The following CELF2 variants were observed in gnomAD, a reference collection of about 807,000 sequenced individuals.
The protein encoded by CELF2 is CUG triplet repeat RNA-binding protein 2.
CELF2 carries 8 observed loss-of-function variants against 62.6 expected under a neutral mutation model. That is an observed-to-expected ratio of 0.13 (90% CI 0.07 to 0.23). CELF2 has a LOEUF of 0.23. Ranked by LOEUF, CELF2 falls within the 10% of genes least tolerant of loss-of-function variation. The pLI is 1.00. For synonymous variants in CELF2, 258 were observed against 250.0 expected (o/e 1.03, Z -0.30); for missense variants, 333 against 671.0 (o/e 0.50, Z 5.56).
chr10:11,107,270 C>A (rs1297861729), intron 1 of CELF2, among the ~76,000 whole-genome samples: 1 of 152,098 alleles, frequency 6.6e-6, no homozygotes, highest in Non-Finnish European at 1.5e-5. Flanking sequence ...GCAGCACCTG[C>A]CTCTCCTAGG....
At chr10:11,043,799 C>T (rs973678616) in intron 1 of CELF2, among the ~76,000 whole-genome samples, 1 of 152,214 alleles carries the variant, frequency 6.6e-6, no homozygotes, top group South Asian at 2.1e-4. Flanking sequence ...ACCCGACCAT[C>T]ATCTCTCACC....
At chr10:10,847,178 G>A (rs941893776) in intron 1 of CELF2, among the ~76,000 whole-genome samples, 1 of 151,576 alleles carries the variant, frequency 6.6e-6, no homozygotes, top group Non-Finnish European at 1.5e-5. Flanking sequence ...AATAAGTAAT[G>A]TATAATGTAT....
At chr10:10,800,123 A>G (rs575141144) in intron 1 of CELF2, among the ~76,000 whole-genome samples, 1 of 152,248 alleles carries the variant, frequency 6.6e-6, no homozygotes, top group Non-Finnish European at 1.5e-5. Context: ...GAACAAGATT[A>G]TAGAAAAGAG....
chr10:11,179,154 A>T (rs2072354696), intron 2 of CELF2, among the ~76,000 whole-genome samples: 1 of 152,172 alleles, frequency 6.6e-6, no homozygotes, highest in Non-Finnish European at 1.5e-5. Context: ...TACCTAAGCC[A>T]TGTGTGTTCC....
At chr10:11,299,308 C>G (rs2093487504) in intron 9 of CELF2, among the ~76,000 whole-genome samples, 1 of 152,250 alleles carries the variant, frequency 6.6e-6, no homozygotes, top group Non-Finnish European at 1.5e-5. Flanking sequence ...ACTGAGTCCA[C>G]GCGGCGCCCC....
chr10:10,660,962 A>G, the CELF2 span, among the ~76,000 whole-genome samples: 1 of 152,246 alleles, frequency 6.6e-6, no homozygotes, highest in African/African-American at 2.4e-5. Flanking sequence ...TAACTTAGTC[A>G]TAGTCCCTGT....
chr10:10,920,442 C>T (rs1482508138), intron 2 of CELF2, among the ~76,000 whole-genome samples: 2 of 152,146 alleles, frequency 1.3e-5, no homozygotes, highest in South Asian at 2.1e-4. Context: ...GAAGAGCTCA[C>T]ATCATAGTAT....
chr10:11,056,011 G>T (rs1254564736), intron 1 of CELF2, among the ~76,000 whole-genome samples: 1 of 152,200 alleles, frequency 6.6e-6, no homozygotes, highest in South Asian at 2.1e-4. Flanking sequence ...TCCAAGAAGT[G>T]CATTTAGAAA....
the CELF2 span, among the ~76,000 whole-genome samples, chr10:10,494,656 T>C: frequency 2.0e-5 from 3 of 152,222 alleles, no homozygotes; most frequent in African/African-American, 7.2e-5. Context: ...TCAGTGAAGC[T>C]CTTCTCTTAA....
the CELF2 span, among the ~76,000 whole-genome samples, chr10:10,529,992 A>G: frequency 3.3e-5 from 5 of 152,150 alleles, no homozygotes; most frequent in African/African-American, 1.2e-4. Context: ...TGATGCCCAG[A>G]TGGGAGATGA....
At position 11,270,800 on chromosome 10, in the gene CELF2, C is replaced by T. The variant is rs766962716; in HGVS notation, c.753C>T (p.Gly251=). Residue 251 remains glycine (G), a synonymous_variant, in exon 7 of 13, where the codon GGC becomes GGT. Transcript: ENST00000633077. This position sits in a 1 kb window ranked among gnomAD's most constrained non-coding sequence, Gnocchi z 5.8. The part of the protein sequence containing the change: ...TATWGNLTGL[G]GLTPQYLALL... ...CCTGGGGGAACCTGACAGGGCTGGG[C>T]GGACTGACCCCACAGTATCTGGCGG... 5.4e-6 allele frequency: 8 copies of T among 1,487,820 alleles called. No individual in the cohort carries two copies. Among genetic ancestry groups the T allele is most frequent in the African/African-American group, 2.8e-5 (2 of 70,192 alleles). 92.2% of individuals were successfully genotyped at this position (1,487,820 alleles called of 1,614,324 possible).
chr10:10,719,254 G>A, the CELF2 span, among the ~76,000 whole-genome samples: 8 of 151,828 alleles, frequency 5.3e-5, no homozygotes, highest in South Asian at 2.1e-4. Context: ...CACCGCACCC[G>A]GCCTATTATT....
chr10:11,051,341 T>TA (rs919135645), intron 1 of CELF2, among the ~76,000 whole-genome samples: 1 of 152,256 alleles, frequency 6.6e-6, no homozygotes, highest in African/African-American at 2.4e-5. Context: ...TGAAAACAAC[T>TA]AAAACATAGA....
intron 1 of CELF2, among the ~76,000 whole-genome samples, chr10:10,805,026 T>C (rs2055068883): frequency 6.6e-6 from 1 of 152,214 alleles, no homozygotes; most frequent in Non-Finnish European, 1.5e-5. Flanking sequence ...AGATCAGGAA[T>C]TTATATTCTT....
chr10:10,904,368 C>T lies in CELF2; in HGVS notation c.54-15596C>T, dbSNP rs993232960. On this transcript the variant is annotated intron_variant, in intron 1 of 13. Coordinates refer to the CELF2 transcript ENST00000636488. ...CTACCTCCCAAGTAGCTGGGACTAC[C>T]GGCATGTGTCACCATGCCTGATAAT... Among the ~76,000 whole-genome samples the T allele has an allele frequency of 7.2e-5, 11 of 151,838 alleles. No individual in the cohort carries two copies. The East Asian group carries it at 9.7e-4, about 13-fold the overall frequency.
chr10:11,219,734 C>T (rs1439978330), intron 3 of CELF2, among the ~76,000 whole-genome samples: 1 of 152,130 alleles, frequency 6.6e-6, no homozygotes, highest in Non-Finnish European at 1.5e-5. Context: ...CTGTGTGAGT[C>T]TTTGGTGGAC....
chr10:10,782,255 AG>A, the CELF2 span, among the ~76,000 whole-genome samples: 1 of 152,248 alleles, frequency 6.6e-6, no homozygotes, highest in Non-Finnish European at 1.5e-5. Context: ...CTGGCAACCC[AG>A]GAAAGCTAGT....
the CELF2 span, among the ~76,000 whole-genome samples, chr10:10,529,996 G>C: frequency 6.6e-6 from 1 of 152,290 alleles, no homozygotes; most frequent in East Asian, 1.9e-4. Flanking sequence ...GCCCAGATGG[G>C]AGATGAGAGG....
At chr10:11,164,578 T>C (rs2066508765) in intron 1 of CELF2, among the ~76,000 whole-genome samples, 1 of 152,104 alleles carries the variant, frequency 6.6e-6, no homozygotes, top group Non-Finnish European at 1.5e-5. Context: ...CATCTGGAAG[T>C]CAGATATACA....
Sources: allele counts gnomAD v4.1 joint callset (sites outside exome capture counted in the v4.1 genomes callset), GRCh38; gene constraint gnomAD v4.1.1; non-coding constraint Gnocchi (gnomAD v3.1); transcripts MANE v1.5; gene names NCBI Gene and HGNC (gene_info 2026-07-23, HGNC 2026-07-21).